The following ALMS1 variants were observed in gnomAD, a reference collection of about 807,000 sequenced individuals.
ALMS1 encodes the protein centrosome-associated protein ALMS1.
ALMS1 carries 271 observed loss-of-function variants against 352.2 expected under a neutral mutation model. That is an observed-to-expected ratio of 0.77 (90% CI 0.70 to 0.85). The LOEUF is 0.85. ALMS1 is among the 40% of genes least tolerant of loss of function. The pLI is 0.00. For missense variants in ALMS1, 5,445 were observed against 4,870.7 expected, an observed-to-expected ratio of 1.12 and a Z score of -3.51; for synonymous variants, 1,865 against 1,761.2, an observed-to-expected ratio of 1.06 and a Z score of -1.48.
Position 73,450,202 on chromosome 2 carries a change from T to C in ALMS1, c.3675T>C (p.Ala1225=), listed in dbSNP as rs1671901472. 4 of 1,614,042 alleles carry C rather than the reference T, an allele frequency of 2.5e-6. No homozygotes were observed. Among genetic ancestry groups the C allele is most frequent in the Non-Finnish European group, 3.4e-6 (4 of 1,179,976 alleles). The change falls in exon 8 of 23, where the codon GCT becomes GCC. Residue 1225 remains alanine, a synonymous_variant. Transcript: ENST00000613296. The part of the protein sequence containing the change: ...AQKVSPVLGP[A]DQKTGTPTPT... ...AAGTTTCACCTGTTCTTGGACCAGC[T>C]GACCAGAAGACTGGGACACCAACTC...
At chr2:73,599,550 T>G (rs758277822) in intron 17 of ALMS1, 29 bp downstream of exon 17, 6 of 1,602,028 alleles carry the variant, frequency 3.7e-6, no homozygotes, top group Non-Finnish European at 5.1e-6. Context: ...ACTTTTTCAT[T>G]GAAATACATT....
chr2:73,508,209 T>TC (rs1429171124), intron 10 of ALMS1, among the ~76,000 whole-genome samples: 17 of 112,502 alleles, frequency 1.5e-4, no homozygotes, highest in African/African-American at 4.0e-4. Flanking sequence ...TTCTTCTTCT[T>TC]TTTTTTTTTT....
At chr2:73,437,680 T>C (rs370852418) in intron 7 of ALMS1, among the ~76,000 whole-genome samples, 17 of 152,302 alleles carry the variant, frequency 1.1e-4, no homozygotes, top group African/African-American at 3.8e-4. Context: ...TCCTCACTTA[T>C]CTCTCAGAGT....
chr2:73,399,851 G>A (rs895288427), intron 1 of ALMS1, among the ~76,000 whole-genome samples: 3 of 151,730 alleles, frequency 2.0e-5, no homozygotes, highest in African/African-American at 7.3e-5. Context: ...ATCGTGAAGA[G>A]GTTGTCAAAT....
intron 15 of ALMS1, among the ~76,000 whole-genome samples, chr2:73,566,001 C>T (rs1674793986): frequency 6.6e-6 from 1 of 151,920 alleles, no homozygotes. Context: ...CAAAGTATGG[C>T]CTTTGGTTAA....
At chr2:73,569,424 A>C (rs553492926) in intron 15 of ALMS1, among the ~76,000 whole-genome samples, 1 of 152,094 alleles carries the variant, frequency 6.6e-6, no homozygotes, top group Non-Finnish European at 1.5e-5. Context: ...TTTTAGAGCA[A>C]TGTTATCTAT....
In ALMS1 at chr2:73,557,279, G is replaced by A. The variant is rs1674566628; in HGVS notation, c.10138G>A (p.Glu3380Lys). 6.2e-6 allele frequency: 10 copies of A among 1,614,148 alleles called. No homozygotes were observed. In the East Asian group the frequency reaches 2.2e-4, roughly 36 times the overall value. ...GAACCTCTCAGACAAAAAACAGCAAGAGATTCACAGTACAAGGGCAGTGAC... is the reference window on the plus strand; with the variant it reads ...GAACCTCTCAGACAAAAAACAGCAAAAGATTCACAGTACAAGGGCAGTGAC... ...DENLSDKKQQ[E>K]IHSTRAVTEA... Residue 3380 changes from glutamate (E) to lysine (K), a missense_variant, in exon 14 of 23, where the codon GAG becomes AAG. Glu to Lys is a moderately conservative substitution (Grantham distance 56). Coordinates refer to ENST00000613296, the MANE Select transcript of ALMS1 (RefSeq NM_001378454.1).
chr2:73,407,554 A>G (rs1265517772), intron 1 of ALMS1, among the ~76,000 whole-genome samples: 5 of 152,284 alleles, frequency 3.3e-5, no homozygotes, highest in Admixed American at 3.3e-4. Flanking sequence ...TTACCAGAGA[A>G]CTTTATATTT....
chr2:73,568,835 A>G (rs9653557), intron 15 of ALMS1, among the ~76,000 whole-genome samples: 1 of 151,636 alleles, frequency 6.6e-6, no homozygotes, highest in African/African-American at 2.4e-5. Flanking sequence ...AAATGTTATG[A>G]GTAAAATTAA....
intron 3 of ALMS1, among the ~76,000 whole-genome samples, chr2:73,420,862 C>T (rs973932573): frequency 6.6e-6 from 1 of 152,150 alleles, no homozygotes; most frequent in Non-Finnish European, 1.5e-5. Context: ...TAAATAGGCT[C>T]TCGCCAATGG....
intron 1 of ALMS1, among the ~76,000 whole-genome samples, chr2:73,407,985 C>T (rs1558633132): frequency 6.6e-6 from 1 of 151,920 alleles, no homozygotes. Context: ...TCTCTACCTG[C>T]TCTTTTTGTG....
At chr2:73,505,571 GT>G (rs1292610707) in intron 10 of ALMS1, among the ~76,000 whole-genome samples, 1 of 151,884 alleles carries the variant, frequency 6.6e-6, no homozygotes, top group Non-Finnish European at 1.5e-5. Context: ...GGGGTTGTTT[GT>G]TTTTTTCTTG....
At chr2:73,515,453 A>G (rs183459232) in intron 10 of ALMS1, among the ~76,000 whole-genome samples, 12 of 152,078 alleles carry the variant, frequency 7.9e-5, no homozygotes, top group Admixed American at 2.0e-4. Flanking sequence ...CATATGTTAC[A>G]TAATGTTTTG....
intron 5 of ALMS1, among the ~76,000 whole-genome samples, chr2:73,426,204 T>C (rs6740223): frequency 0.38 from 58,118 of 152,102 alleles, 15,436 homozygotes; most frequent in African/African-American, 0.75. Context: ...TGGGTAAGGA[T>C]GTTAACTGTA....
chr2:73,571,452 T>C (rs1674924494), intron 15 of ALMS1, among the ~76,000 whole-genome samples: 1 of 152,150 alleles, frequency 6.6e-6, no homozygotes, highest in Non-Finnish European at 1.5e-5. Context: ...TCCAAAATGG[T>C]GTCTTGTTGC....
chr2:73,465,417 G>C (rs1379880866), intron 9 of ALMS1, among the ~76,000 whole-genome samples: 1 of 152,050 alleles, frequency 6.6e-6, no homozygotes, highest in Non-Finnish European at 1.5e-5. Flanking sequence ...AATGGTGCTG[G>C]GAAAACTGGC....
intron 16 of ALMS1, among the ~76,000 whole-genome samples, chr2:73,594,013 A>G (rs936290106): frequency 2.0e-5 from 3 of 152,142 alleles, no homozygotes; most frequent in Non-Finnish European, 2.9e-5. Context: ...TTTTTTGTCT[A>G]TTATGAACAA....
intron 7 of ALMS1, among the ~76,000 whole-genome samples, chr2:73,434,252 T>C (rs1671566256): frequency 6.6e-6 from 1 of 152,158 alleles, no homozygotes; most frequent in Non-Finnish European, 1.5e-5. Context: ...TGTATACAAA[T>C]TGATAAATTC....
At chr2:73,434,863 C>T (rs1025048982) in intron 7 of ALMS1, among the ~76,000 whole-genome samples, 7 of 152,056 alleles carry the variant, frequency 4.6e-5, no homozygotes, top group South Asian at 2.1e-4. Flanking sequence ...AAATGCAGTG[C>T]GTGGCTCACT....
Sources: gnomAD v4.1 joint callset for allele counts (sites outside exome capture counted in the v4.1 genomes callset) on GRCh38, gnomAD v4.1.1 for gene constraint, MANE v1.5 for transcripts, NCBI Gene and HGNC (gene_info 2026-07-23, HGNC 2026-07-21) for gene names.